The following BUD13 variants were observed in gnomAD, a reference collection of about 807,000 sequenced individuals.
BUD13 encodes BUD13 homolog.
Under a neutral mutation model 62.5 loss-of-function variants are expected in BUD13, and 47 were observed. The ratio of observed to expected loss-of-function variants is 0.75; its 90% CI spans 0.60 to 0.96. BUD13 has a LOEUF of 0.96. Among genes scored for constraint, BUD13 ranks in the 40% least tolerant of loss-of-function variants. The pLI, the probability that BUD13 is intolerant of heterozygous loss-of-function variation, is 0.00. For synonymous variants in BUD13, 293 were observed against 280.1 expected, an observed-to-expected ratio of 1.05 and a Z score of -0.46; for missense variants, 821 against 790.9, an observed-to-expected ratio of 1.04 and a Z score of -0.46.
At chr11:116,763,759 C>G (rs141673987) in intron 3 of BUD13, among the ~76,000 whole-genome samples, 1 of 152,176 alleles carries the variant, frequency 6.6e-6, no homozygotes, top group East Asian at 1.9e-4. Context: ...TTTGTACTCA[C>G]TCTTCTTTCA....
intron 2 of BUD13, among the ~76,000 whole-genome samples, chr11:116,766,474 A>T (rs895004086): frequency 6.6e-6 from 1 of 152,212 alleles, no homozygotes; most frequent in African/African-American, 2.4e-5. Flanking sequence ...CAGTTTTGAG[A>T]TCTCTCACTG....
intron 4 of BUD13, among the ~76,000 whole-genome samples, chr11:116,762,153 G>A (rs1450276487): frequency 6.6e-6 from 1 of 152,138 alleles, no homozygotes; most frequent in African/African-American, 2.4e-5. Flanking sequence ...CAGCAGGCAA[G>A]ATTGCACATG....
intron 9 of BUD13, among the ~76,000 whole-genome samples, chr11:116,751,297 C>T (rs1195970135): frequency 6.6e-6 from 1 of 152,156 alleles, no homozygotes; most frequent in Non-Finnish European, 1.5e-5. Context: ...AAGACTTTCC[C>T]TTAAGGGATG....
rs1182563137 is a variant in BUD13 at position 116,762,954 on chromosome 11, C to T, written c.635G>A (p.Gly212Asp). 5.0e-6 allele frequency: 8 copies of T among 1,612,514 alleles called. No homozygotes were observed. The highest frequency in any genetic ancestry group is 1.7e-5 in the Admixed American group (1 of 59,846). ...PPRRPQHNSSGASPRRVRHDS... is the reference protein window; with the variant it reads ...PPRRPQHNSSDASPRRVRHDS... ...ATGACGGACTCTCCTAGGAGATGCA[C>T]CTGAAGAATTATGCTGAGGCCTCCT... Residue 212 changes from glycine to aspartate, a missense_variant, in exon 4 of 10, where the codon GGT (glycine) becomes GAT (aspartate). Around this residue, in one of 2 missense-constraint regions of BUD13, gnomAD observed 800 missense variants for 739.2 expected, o/e 1.08. Transcript: ENST00000260210.
At chr11:116,751,140 T>C (rs556489227) in intron 9 of BUD13, among the ~76,000 whole-genome samples, 23 of 152,372 alleles carry the variant, frequency 1.5e-4, no homozygotes, top group African/African-American at 3.8e-4. Flanking sequence ...GAAAATCTTC[T>C]ATAGTAACAC....
At position 116,763,378 on chromosome 11, in the gene BUD13, A is replaced by G. The variant is rs1170239217; in HGVS notation, c.323-112T>C. The G allele has an allele frequency of 2.0e-5, 19 of 939,284 alleles. No homozygotes were observed. The South Asian group carries it at 3.6e-4, about 18-fold the overall frequency. 58.2% of individuals were successfully genotyped at this position (939,284 alleles called of 1,614,324 possible). On this transcript the variant is annotated intron_variant, in intron 3 of 9. Transcript: ENST00000260210. ...TAGCACATACCTCAGAACTGCTCAG[A>G]AAGCCCAAAAGGCCTGCACAGTTTT...
At chr11:116,763,928 A>T (rs1289506415) in intron 3 of BUD13, among the ~76,000 whole-genome samples, 1 of 152,244 alleles carries the variant, frequency 6.6e-6, no homozygotes, top group Non-Finnish European at 1.5e-5. Flanking sequence ...TTTCATAGAG[A>T]TTACCTGATT....
intron 1 of BUD13, 69 bp from the exon 2 acceptor site, chr11:116,770,291 T>C (rs896977726): frequency 7.1e-7 from 1 of 1,414,110 alleles, no homozygotes; most frequent in Non-Finnish European, 9.6e-7. Flanking sequence ...TATCTATTGG[T>C]TTTAAAATAA....
chr11:116,757,288 T>A, intron 8 of BUD13, 61 bp from the exon 9 acceptor site: 1 of 1,477,486 alleles, frequency 6.8e-7, no homozygotes, highest in Non-Finnish European at 9.4e-7. Flanking sequence ...CAGAGCTGGA[T>A]GGCAATGTGG....
intron 9 of BUD13, among the ~76,000 whole-genome samples, chr11:116,748,980 C>CAAAAA (rs58988682): frequency 4.3e-4 from 37 of 86,900 alleles, no homozygotes; most frequent in Non-Finnish European, 5.3e-4. Context: ...GACTCTGTCT[C>CAAAAA]AAAAAAAAAA....
At chr11:116,751,394 C>T (rs144421655) in intron 9 of BUD13, among the ~76,000 whole-genome samples, 77 of 151,590 alleles carry the variant, frequency 5.1e-4, no homozygotes, top group African/African-American at 1.6e-3. Flanking sequence ...TTTGGGAGGC[C>T]GAGGCAGGTG....
At chr11:116,755,683 C>T (rs191206329) in intron 9 of BUD13, among the ~76,000 whole-genome samples, 1 of 152,132 alleles carries the variant, frequency 6.6e-6, no homozygotes, top group Non-Finnish European at 1.5e-5. Flanking sequence ...ATTATTAAGT[C>T]AGACATTAAT....
chr11:116,767,120 AGAGGCTGCAGTGAGCCAAGATT>A (rs1940544632), intron 2 of BUD13, among the ~76,000 whole-genome samples: 2 of 151,616 alleles, frequency 1.3e-5, no homozygotes, highest in African/African-American at 2.4e-5. Context: ...CCTGGGAGGC[AGAGGCTGCAGTGAGCCAAGATT>A]GAGCCACTGC....
At chr11:116,768,966 G>C (rs188925715) in intron 2 of BUD13, among the ~76,000 whole-genome samples, 4 of 134,332 alleles carry the variant, frequency 3.0e-5, no homozygotes. Context: ...AGTGAGCCGA[G>C]ATCATACCAC....
At chr11:116,768,532 C>A (rs1178666644) in intron 2 of BUD13, among the ~76,000 whole-genome samples, 1 of 152,064 alleles carries the variant, frequency 6.6e-6, no homozygotes, top group African/African-American at 2.4e-5. Context: ...AAACTTTAAA[C>A]TTTTTTTAAT....
At chr11:116,763,718 C>A (rs961224604) in intron 3 of BUD13, among the ~76,000 whole-genome samples, 2 of 152,136 alleles carry the variant, frequency 1.3e-5, no homozygotes, top group African/African-American at 4.8e-5. Context: ...GCTAGTGGCT[C>A]CTACTGATAT....
At chr11:116,756,381 G>A (rs56224630) in intron 9 of BUD13, among the ~76,000 whole-genome samples, 15,154 of 151,714 alleles carry the variant, frequency 0.1, 962 homozygotes, top group African/African-American at 0.17. Context: ...GTGTGGCAGC[G>A]GGCGCCGGTA....
chr11:116,756,966 G>C (rs1331444264), intron 9 of BUD13, among the ~76,000 whole-genome samples, 180 bp downstream of exon 9: 2 of 152,200 alleles, frequency 1.3e-5, no homozygotes, highest in African/African-American at 4.8e-5. Flanking sequence ...AAAGGAAACA[G>C]AAGGAGGAGT....
chr11:116,765,419 C>T lies in BUD13; in HGVS notation c.265G>A (p.Glu89Lys), dbSNP rs955225883. 6.2e-7 allele frequency: 1 copy of T among 1,614,196 alleles called. No homozygotes were observed. Among genetic ancestry groups the T allele is most frequent in the Non-Finnish European group, 8.5e-7 (1 of 1,180,014 alleles). The change falls in exon 3 of 10, where the codon GAA becomes AAA. Residue 89 changes from glutamate to lysine, a missense_variant. By Grantham distance (56) the Glu-to-Lys change is moderately conservative (BLOSUM62 1). Coordinates refer to ENST00000260210, the MANE Select transcript of BUD13 (RefSeq NM_032725.4). ...AAGGCCTCCATCTGCTTTACCTCTT[C>T]TGGCCGCTCATCCACAAACTCTGCC... Reference protein sequence around the residue: ...VVAEFVDERPEEVKQMEAFRS... With the variant: ...VVAEFVDERPKEVKQMEAFRS...
Sources: gnomAD v4.1 joint callset for allele counts (sites outside exome capture counted in the v4.1 genomes callset) on GRCh38, gnomAD v4.1.1 for gene constraint, gnomAD v4.1.1 regional missense constraint, MANE v1.5 for transcripts, NCBI Gene and HGNC (gene_info 2026-07-23, HGNC 2026-07-21) for gene names.